STXBP3: variants seen among roughly 807,000 people sequenced by gnomAD.
STXBP3 encodes the protein syntaxin binding protein 3.
In STXBP3, 41 loss-of-function variants were observed where a neutral mutation model predicts 85.7. The ratio of observed to expected loss-of-function variants is 0.48; its 90% CI spans 0.37 to 0.62. STXBP3 has a LOEUF of 0.62. Ranked by LOEUF, STXBP3 falls within the 20% of genes least tolerant of loss-of-function variation. STXBP3 has a pLI of 0.00. For synonymous variants in STXBP3, 229 were observed against 231.7 expected (o/e 0.99, Z 0.10); for missense variants, 563 against 703.1 (o/e 0.80, Z 2.25).
chr1:108,777,860 C>T (rs1438791287), intron 8 of STXBP3, among the ~76,000 whole-genome samples: 2 of 152,134 alleles, frequency 1.3e-5, no homozygotes, highest in African/African-American at 4.8e-5. Context: ...ATTTATATTG[C>T]ACTTTTTCCT....
At chr1:108,783,401 C>G (rs1456810586) in intron 11 of STXBP3, among the ~76,000 whole-genome samples, 3 of 152,164 alleles carry the variant, frequency 2.0e-5, no homozygotes, top group Non-Finnish European at 1.5e-5. Flanking sequence ...CCCCTCCTGC[C>G]AGAGGTAAAC....
At chr1:108,751,025 C>CT (rs1230150930) in intron 1 of STXBP3, among the ~76,000 whole-genome samples, 1 of 152,190 alleles carries the variant, frequency 6.6e-6, no homozygotes, top group Non-Finnish European at 1.5e-5. Flanking sequence ...TGTTCACCAC[C>CT]TTGGGAGCTC....
rs1486727324 is a variant in STXBP3 at position 108,756,736 on chromosome 1, A to G, written c.228A>G (p.Lys76=). ...YKNREPVRQM[K]ALYFITPTSK... ...ACCGTGAACCTGTCAGACAAATGAA[A>G]GCTCTTTATTTCATCACTCCGACAT... Residue 76 remains lysine (K), a synonymous_variant, in exon 4 of 19, where the codon AAA becomes AAG. Coordinates refer to ENST00000370008, the MANE Select transcript of STXBP3 (RefSeq NM_007269.4). The G allele has an allele frequency of 1.3e-6, 2 of 1,596,862 alleles. No individual in the cohort carries two copies. The highest frequency in any genetic ancestry group is 1.7e-5 in the Admixed American group (1 of 58,536).
At chr1:108,763,527 A>G (rs1370897103) in intron 6 of STXBP3, among the ~76,000 whole-genome samples, 1 of 152,174 alleles carries the variant, frequency 6.6e-6, no homozygotes, top group Non-Finnish European at 1.5e-5. Flanking sequence ...AACTCTAATA[A>G]GAGTCACTGA....
At chr1:108,783,031 TG>T (rs1368439928) in intron 11 of STXBP3, among the ~76,000 whole-genome samples, 4 of 152,204 alleles carry the variant, frequency 2.6e-5, no homozygotes, top group Admixed American at 2.6e-4. Context: ...GCGGGATTAC[TG>T]GTGTGCACCA....
chr1:108,753,223 G>A (rs1213942572), intron 3 of STXBP3, 79 bp downstream of exon 3: 50 of 977,698 alleles, frequency 5.1e-5, no homozygotes, highest in Non-Finnish European at 6.4e-5. Context: ...GTTAGTAGTT[G>A]TGTTTCTAAG....
chr1:108,808,372 C>T (rs1391017425), intron 18 of STXBP3, among the ~76,000 whole-genome samples: 1 of 152,162 alleles, frequency 6.6e-6, no homozygotes, highest in Admixed American at 6.5e-5. Context: ...ATAAGAATTT[C>T]AGTCAAAGCC....
At position 108,799,696 on chromosome 1, in the gene STXBP3, T is replaced by A. The variant is rs1254263631; in HGVS notation, c.1450-524T>A. ...GAGCATGAACCTATTTACTTATAAG[T>A]TAAGCATTACTGTAATAAAAAATAT... On this transcript the variant is annotated intron_variant, in intron 16 of 18. Coordinates refer to ENST00000370008, the MANE Select transcript of STXBP3 (RefSeq NM_007269.4). 2.6e-5 allele frequency among the ~76,000 whole-genome samples: 4 copies of A among 152,264 alleles called. No individual in the cohort carries two copies. In the East Asian group the frequency reaches 7.7e-4, roughly 29 times the overall value.
chr1:108,755,487 A>AT (rs533514810), intron 3 of STXBP3, among the ~76,000 whole-genome samples: 50 of 150,156 alleles, frequency 3.3e-4, no homozygotes, highest in African/African-American at 1.1e-3. Flanking sequence ...TGGGAATTAG[A>AT]TTTTTTTTTT....
rs1383855413 is a variant in STXBP3, at chr1:108,800,299, C to T, written c.1529C>T (p.Ala510Val). 6.2e-7 allele frequency: 1 copy of T among 1,606,184 alleles called. No individual in the cohort carries two copies. ...CCAGCAGTATGGAATGGTTCAGGAGCTGTAAGGTAAATTCTACAAGTGAAA... is the reference window on the plus strand; with the variant it reads ...CCAGCAGTATGGAATGGTTCAGGAGTTGTAAGGTAAATTCTACAAGTGAAA... The part of the protein sequence containing the change: ...QCPAVWNGSG[A>V]VSARQKPRAN... The change falls in exon 17 of 19, where the codon GCT becomes GTT. Residue 510 changes from alanine (A) to valine (V), a missense_variant. Around this residue, in one of 3 missense-constraint regions of STXBP3, gnomAD observed 494 missense variants for 592.8 expected, o/e 0.83. Transcript: ENST00000370008.
At chr1:108,796,869 T>C (rs1006887475) in intron 15 of STXBP3, 143 bp downstream of exon 15, 1 of 537,350 alleles carries the variant, frequency 1.9e-6, no homozygotes, top group Non-Finnish European at 3.0e-6. Flanking sequence ...AAGATTTTGT[T>C]CTCTTTTCCA....
intron 16 of STXBP3, 87 bp from the exon 17 acceptor site, chr1:108,800,133 A>AT: frequency 3.4e-6 from 3 of 872,268 alleles, no homozygotes; most frequent in South Asian, 1.4e-5. Flanking sequence ...AGGTTCCTCA[A>AT]TTGCAAATGC....
At chr1:108,777,599 C>T (rs1236321406) in intron 8 of STXBP3, among the ~76,000 whole-genome samples, 1 of 152,080 alleles carries the variant, frequency 6.6e-6, no homozygotes, top group Non-Finnish European at 1.5e-5. Context: ...AAGAGATATA[C>T]AATCAAATAT....
At chr1:108,778,056 G>C (rs959153625) in intron 8 of STXBP3, among the ~76,000 whole-genome samples, 1 of 152,120 alleles carries the variant, frequency 6.6e-6, no homozygotes, top group African/African-American at 2.4e-5. Context: ...TGTACTGCAA[G>C]ATGTGGTCAA....
intron 11 of STXBP3, among the ~76,000 whole-genome samples, chr1:108,789,854 C>G (rs1662938874): frequency 1.3e-5 from 2 of 151,940 alleles, no homozygotes; most frequent in African/African-American, 4.8e-5. Flanking sequence ...TCACATGTGG[C>G]TAGGAGTTCA....
Position 108,776,380 on chromosome 1 carries a change from A to G in STXBP3, c.641A>G (p.Lys214Arg). ...ASKLAQLVEK[K>R]LEDYYKIDEK... ...AAGCTTGCACAGCTTGTTGAAAAAA[A>G]GCTTGAAGACTACTACAAGATTGAT... The change falls in exon 8 of 19, where the codon AAG (lysine) becomes AGG (arginine). Residue 214 changes from lysine to arginine, a missense_variant. This residue lies in a region of STXBP3 where 494 missense variants were observed against 592.8 expected (regional missense o/e 0.83). Transcript: ENST00000370008. 1 of 1,609,242 alleles carries G rather than the reference A, an allele frequency of 6.2e-7. No individual in the cohort carries two copies. Among genetic ancestry groups the G allele is most frequent in the South Asian group, 1.1e-5 (1 of 90,574 alleles).
intron 6 of STXBP3, among the ~76,000 whole-genome samples, chr1:108,761,182 G>A (rs941649159): frequency 1.3e-4 from 20 of 152,040 alleles, no homozygotes; most frequent in African/African-American, 4.8e-4. Flanking sequence ...CTGGGATTAC[G>A]GGTGTGAGCC....
rs1027395889 is a variant in STXBP3 at position 108,809,318 on chromosome 1, G to C, written c.*441G>C. Reference sequence around the variant, plus strand: ...TGTATGATAGAATTGTTTCCTCTAAGTGTAGTTTTTCTTTCAACTAAAATT... The same window carrying C: ...TGTATGATAGAATTGTTTCCTCTAACTGTAGTTTTTCTTTCAACTAAAATT... On this transcript the variant is annotated 3_prime_UTR_variant, in exon 19 of 19. Transcript: ENST00000370008. The C allele has an allele frequency of 6.5e-6, 1 of 153,350 alleles. No homozygotes were observed. The highest frequency in any genetic ancestry group is 2.4e-5 in the African/African-American group (1 of 41,452). The allele number at this position is 153,350 out of a possible 1,614,324, so 9.5% of individuals were successfully genotyped here. A position where few individuals can be genotyped will look rare whatever the true frequency, so the allele number is the denominator to read the frequency against.
chr1:108,775,920 A>AC (rs1662580962), intron 7 of STXBP3, among the ~76,000 whole-genome samples: 6 of 149,984 alleles, frequency 4.0e-5, no homozygotes, highest in African/African-American at 1.2e-4. Context: ...ATAAATCTCA[A>AC]ACACACACAC....
Sources: gnomAD v4.1 joint callset for allele counts (sites outside exome capture counted in the v4.1 genomes callset) on GRCh38, gnomAD v4.1.1 for gene constraint, gnomAD v4.1.1 regional missense constraint, MANE v1.5 for transcripts, NCBI Gene and HGNC (gene_info 2026-07-23, HGNC 2026-07-21) for gene names.